Variants in KSR2 observed in about 807,000 individuals in gnomAD.
KSR2 encodes the protein kinase suppressor of ras 2.
KSR2 carries 25 observed loss-of-function variants against 107.8 expected under a neutral mutation model. That is an observed-to-expected ratio of 0.23 (90% confidence interval 0.17 to 0.32). The LOEUF is 0.32. KSR2 is among the 10% of genes least tolerant of loss of function. KSR2 has a pLI of 1.00. For missense variants in KSR2, 887 were observed against 1,268.9 expected (o/e 0.70, Z 4.57); for synonymous variants, 480 against 507.0 (o/e 0.95, Z 0.71).
chr12:117,914,992 T>C (rs1453917420), intron 1 of KSR2, among the ~76,000 whole-genome samples: 1 of 152,162 alleles, frequency 6.6e-6, no homozygotes. Context: ...ATCTCAGCTA[T>C]GCAATGAGGG....
chr12:117,886,203 T>A (rs1566067293), intron 1 of KSR2, among the ~76,000 whole-genome samples: 2 of 150,102 alleles, frequency 1.3e-5, no homozygotes, highest in Admixed American at 1.3e-4. Flanking sequence ...AAATAATACA[T>A]ATAGGTATAT....
chr12:117,892,948 T>C (rs1405321844), intron 1 of KSR2, among the ~76,000 whole-genome samples: 1 of 152,026 alleles, frequency 6.6e-6, no homozygotes, highest in African/African-American at 2.4e-5. Flanking sequence ...GACTCAACAA[T>C]TATTTGCTGA....
At chr12:117,630,897 G>A (rs1414073795) in intron 5 of KSR2, among the ~76,000 whole-genome samples, 3 of 152,126 alleles carry the variant, frequency 2.0e-5, no homozygotes. Context: ...CAATGGTACT[G>A]TTTCCTGTGG....
intron 16 of KSR2, among the ~76,000 whole-genome samples, chr12:117,482,555 G>A (rs1303546274): frequency 6.6e-6 from 1 of 152,158 alleles, no homozygotes; most frequent in African/African-American, 2.4e-5. Context: ...CTGGGGCAGG[G>A]GTGGGAGGGG....
chr12:117,626,134 T>A (rs1593065702), intron 5 of KSR2, among the ~76,000 whole-genome samples: 1 of 152,238 alleles, frequency 6.6e-6, no homozygotes, highest in South Asian at 2.1e-4. Context: ...ATCTATTTTG[T>A]TGATCTTTTC....
At chr12:117,557,616 A>T (rs1877798310) in intron 8 of KSR2, among the ~76,000 whole-genome samples, 1 of 152,230 alleles carries the variant, frequency 6.6e-6, no homozygotes, top group South Asian at 2.1e-4. Flanking sequence ...CAGTCAAAAA[A>T]ATGTTCTATA....
intron 5 of KSR2, among the ~76,000 whole-genome samples, chr12:117,609,396 C>A (rs1014480666): frequency 6.6e-6 from 1 of 152,254 alleles, no homozygotes; most frequent in Non-Finnish European, 1.5e-5. Context: ...TAGAATCTAA[C>A]TAACCCAGAG....
chr12:117,636,952 TAAAAA>T (rs55981634), intron 5 of KSR2, among the ~76,000 whole-genome samples: 1 of 149,324 alleles, frequency 6.7e-6, no homozygotes, highest in Admixed American at 6.7e-5. Flanking sequence ...TAAAAGTCAA[TAAAAA>T]AAAAGAGAGG....
intron 3 of KSR2, among the ~76,000 whole-genome samples, chr12:117,793,540 C>T (rs1000101526): frequency 1.6e-4 from 24 of 149,760 alleles, no homozygotes; most frequent in Non-Finnish European, 2.5e-4. Flanking sequence ...CGTGCACTCA[C>T]GCCAACATGC....
chr12:117,712,954 C>T (rs1055385995), intron 4 of KSR2, among the ~76,000 whole-genome samples: 1 of 151,326 alleles, frequency 6.6e-6, no homozygotes, highest in Non-Finnish European at 1.5e-5. Context: ...TTTTCTCATT[C>T]ATCTATATTA....
Position 117,956,617 on chromosome 12 carries a change from AT to A in KSR2, c.180+11458del, listed in dbSNP as rs963936818. On this transcript the variant is annotated intron_variant, in intron 1 of 19. Transcript: ENST00000339824. The stretch of plus-strand genomic sequence containing the variant: ...AGAAATTATCAATGCAATATTTTAT[AT>A]TTTTTTTCCTTCATACTAAGAGTTT... 4.0e-5 allele frequency among the ~76,000 whole-genome samples: 6 copies of A among 151,348 alleles called. No homozygotes were observed. In the East Asian group the frequency reaches 5.9e-4, roughly 15 times the overall value.
chr12:117,952,200 C>T (rs1896385706), intron 1 of KSR2, among the ~76,000 whole-genome samples: 1 of 151,930 alleles, frequency 6.6e-6, no homozygotes, highest in African/African-American at 2.4e-5. Flanking sequence ...CATACACATA[C>T]ACACCCACAC....
intron 4 of KSR2, among the ~76,000 whole-genome samples, chr12:117,706,774 G>GC (rs34117904): frequency 0.38 from 57,420 of 151,684 alleles, 11,476 homozygotes; most frequent in East Asian, 0.55. Context: ...AACCTGTTAA[G>GC]AAATAAATAA....
At chr12:117,505,457 A>ATT (rs5801235) in intron 14 of KSR2, among the ~76,000 whole-genome samples, 122,824 of 151,982 alleles carry the variant, frequency 0.81, 50,060 homozygotes, top group East Asian at 0.98. Flanking sequence ...CTCAAACAGA[A>ATT]GCTCAAATGC....
At chr12:117,637,682 T>TTTTG (rs1883173241) in intron 5 of KSR2, among the ~76,000 whole-genome samples, 1 of 130,622 alleles carries the variant, frequency 7.7e-6, no homozygotes, top group Admixed American at 7.7e-5. Context: ...TGGGTTTTTT[T>TTTTG]TTTTTTTTTT....
At chr12:117,579,044 G>T in intron 7 of KSR2, 75 bp downstream of exon 7, 1 of 1,021,038 alleles carries the variant, frequency 9.8e-7, no homozygotes, top group Non-Finnish European at 1.5e-6. Context: ...AACTCCCAAA[G>T]GCTGTTCAGT....
chr12:117,800,775 G>A (rs980653041), intron 3 of KSR2, among the ~76,000 whole-genome samples: 13 of 150,532 alleles, frequency 8.6e-5, no homozygotes, highest in East Asian at 2.0e-4. Context: ...AACAGGCCCC[G>A]GTGTGTGATG....
intron 3 of KSR2, among the ~76,000 whole-genome samples, chr12:117,792,820 G>A (rs1213484164): frequency 6.6e-6 from 1 of 152,156 alleles, no homozygotes; most frequent in Non-Finnish European, 1.5e-5. Context: ...TGAGAACTGT[G>A]GAAGTGAAGA....
At chr12:117,706,556 C>G (rs1361900192) in intron 4 of KSR2, among the ~76,000 whole-genome samples, 1 of 151,960 alleles carries the variant, frequency 6.6e-6, no homozygotes, top group African/African-American at 2.4e-5. Flanking sequence ...CAAATGTAGA[C>G]AGACAGAAAG....
Sources: gnomAD v4.1 joint callset for allele counts (sites outside exome capture counted in the v4.1 genomes callset) on GRCh38, gnomAD v4.1.1 for gene constraint, MANE v1.5 for transcripts, NCBI Gene and HGNC (gene_info 2026-07-23, HGNC 2026-07-21) for gene names.